SEC24A: variants seen among roughly 807,000 people sequenced by gnomAD.
SEC24A encodes the protein SEC24 homolog A, COPII component.
A neutral mutation model predicts 129.4 loss-of-function variants in SEC24A; 93 were observed. That is an observed-to-expected ratio of 0.72 (90% CI 0.61 to 0.85). The LOEUF is 0.85. SEC24A is among the 40% of genes least tolerant of loss of function. The pLI, the probability that SEC24A is intolerant of heterozygous loss-of-function variation, is 0.00. For synonymous variants in SEC24A, 460 were observed against 467.3 expected, an observed-to-expected ratio of 0.98 and a Z score of 0.20; for missense variants, 1,264 against 1,307.4, an observed-to-expected ratio of 0.97 and a Z score of 0.51.
intron 17 of SEC24A, among the ~76,000 whole-genome samples, chr5:134,706,461 T>C (rs1361094247): frequency 6.6e-6 from 1 of 152,192 alleles, no homozygotes; most frequent in Admixed American, 6.5e-5. Flanking sequence ...TTGATTCTTG[T>C]GGTCTTTCTA....
At chr5:134,650,470 G>A (rs1580669223) in intron 1 of SEC24A, among the ~76,000 whole-genome samples, 1 of 151,932 alleles carries the variant, frequency 6.6e-6, no homozygotes, top group East Asian at 1.9e-4. Flanking sequence ...GACCACTGTG[G>A]TATGCTGTAT....
rs1752755130 is a variant in SEC24A at position 134,726,227 on chromosome 5, T to C, written c.*1133T>C. Reference sequence around the variant, plus strand: ...TCTTGATTCAGCTAGAGAAATATTATAGTCAAAACTATTGAGTGAATTTTG... The same window carrying C: ...TCTTGATTCAGCTAGAGAAATATTACAGTCAAAACTATTGAGTGAATTTTG... On this transcript the variant is annotated 3_prime_UTR_variant, in exon 23 of 23. Coordinates refer to ENST00000398844, the MANE Select transcript of SEC24A (RefSeq NM_021982.3). 1.3e-5 allele frequency: 2 copies of C among 152,588 alleles called. No individual in the cohort carries two copies. Among genetic ancestry groups the C allele is most frequent in the South Asian group, 2.1e-4 (1 of 4,836 alleles). The allele number at this position is 152,588 out of a possible 1,614,324, so 9.5% of individuals were successfully genotyped here.
At chr5:134,680,241 G>A (rs976695427) in intron 8 of SEC24A, among the ~76,000 whole-genome samples, 1 of 152,202 alleles carries the variant, frequency 6.6e-6, no homozygotes, top group African/African-American at 2.4e-5. Context: ...GTAATCAACA[G>A]GGTTCTGTTA....
rs146559889 is a variant in SEC24A, at chr5:134,688,365, A to G, written c.1723+66A>G. Reference sequence around the variant, plus strand: ...AGAAATATTTCTTGATTACTTGACAAATTGGATGTGTGTTGTTTGTAGTAT... The same window carrying G: ...AGAAATATTTCTTGATTACTTGACAGATTGGATGTGTGTTGTTTGTAGTAT... On this transcript the variant is annotated intron_variant, in intron 11 of 22. Coordinates refer to ENST00000398844, the MANE Select transcript of SEC24A (RefSeq NM_021982.3). 179 of 951,352 alleles carry G rather than the reference A, an allele frequency of 1.9e-4. 2 individuals carry two copies. The highest frequency in any genetic ancestry group is 3.2e-5 in the Non-Finnish European group (19 of 588,506). 58.9% of individuals were successfully genotyped at this position (951,352 alleles called of 1,614,324 possible).
chr5:134,727,303 C>G lies in SEC24A; in HGVS notation c.*2209C>G, dbSNP rs1386243166. Reference sequence around the variant, plus strand: ...TGAATTTTCTACAGATCTACAACTACTAATGTAACAGACAAGGGCAATCTT... The same window carrying G: ...TGAATTTTCTACAGATCTACAACTAGTAATGTAACAGACAAGGGCAATCTT... On this transcript the variant is annotated 3_prime_UTR_variant, in exon 23 of 23. Transcript: ENST00000398844. 6.6e-6 allele frequency: 1 copy of G among 152,462 alleles called. No individual in the cohort carries two copies. Among genetic ancestry groups the G allele is most frequent in the African/African-American group, 2.4e-5 (1 of 41,394 alleles). 9.4% of individuals were successfully genotyped at this position (152,462 alleles called of 1,614,324 possible). A position where few individuals can be genotyped will look rare whatever the true frequency, so the allele number is the denominator to read the frequency against.
chr5:134,693,385 A>T, intron 12 of SEC24A: 19 of 1,359,768 alleles, frequency 1.4e-5, no homozygotes, highest in Non-Finnish European at 1.8e-5. Context: ...TTACAAGAAT[A>T]AAGTATGTAG....
In SEC24A at chr5:134,726,921, A is replaced by G. The variant is rs1752768505; in HGVS notation, c.*1827A>G. On this transcript the variant is annotated 3_prime_UTR_variant, in exon 23 of 23. Transcript: ENST00000398844. ...TCCCTAAGTGGGTATGACTCTTGTT[A>G]TTACCACATGCTTTTTTAGTATATT... 1 of 152,090 alleles carries G rather than the reference A, an allele frequency of 6.6e-6. No individual in the cohort carries two copies. The highest frequency in any genetic ancestry group is 1.5e-5 in the Non-Finnish European group (1 of 67,958). The allele number at this position is 152,090 out of a possible 1,614,324, so 9.4% of individuals were successfully genotyped here. A position where few individuals can be genotyped will look rare whatever the true frequency, so the allele number is the denominator to read the frequency against.
At chr5:134,720,969 T>A (rs370334584) in intron 20 of SEC24A, 29 bp from the exon 21 acceptor site, 106 of 1,288,360 alleles carry the variant, frequency 8.2e-5, no homozygotes, top group Non-Finnish European at 1.1e-4. Flanking sequence ...GTATGCTGCA[T>A]CTCAAAATAA....
rs764715898 is a variant in SEC24A at position 134,674,738 on chromosome 5, C to A, written c.941C>A (p.Ser314Tyr). 4 of 1,613,912 alleles carry A rather than the reference C, an allele frequency of 2.5e-6. No individual in the cohort carries two copies. In the South Asian group the frequency reaches 4.4e-5, roughly 18 times the overall value. ...PPGATGVPPS[S>Y]LNYPSGPQAF... The stretch of plus-strand genomic sequence containing the variant: ...GGTGCAACTGGAGTACCACCCTCTT[C>A]CTTGAATTACCCAAGTGGGCCACAA... The change falls in exon 5 of 23, where the codon TCC becomes TAC. Residue 314 changes from serine to tyrosine, a missense_variant. Ser to Tyr is a moderately radical substitution (Grantham distance 144). Coordinates refer to ENST00000398844, the MANE Select transcript of SEC24A (RefSeq NM_021982.3).
intron 15 of SEC24A, among the ~76,000 whole-genome samples, chr5:134,699,548 C>T (rs1192787010): frequency 6.6e-6 from 1 of 152,100 alleles, no homozygotes; most frequent in Admixed American, 6.6e-5. Flanking sequence ...ATCCGTCCGC[C>T]TCGGCCTCCC....
chr5:134,676,082 A>T lies in SEC24A; in HGVS notation c.1211A>T (p.Lys404Ile), dbSNP rs747471438. The T allele has an allele frequency of 6.2e-7, 1 of 1,613,244 alleles. No homozygotes were observed. Among genetic ancestry groups the T allele is most frequent in the Non-Finnish European group, 8.5e-7 (1 of 1,179,602 alleles). The change falls in exon 7 of 23, where the codon AAA (lysine) becomes ATA (isoleucine). Residue 404 changes from lysine to isoleucine, a missense_variant. Transcript: ENST00000398844. Reference protein sequence around the residue: ...PQTQALLNKAKLPLGLLLHPF... With the variant: ...PQTQALLNKAILPLGLLLHPF... ...ACGCAGGCCTTATTGAATAAAGCCA[A>T]ACTTCCTTTGGGGCTGCTGCTTCAT...
At chr5:134,682,111 C>T (rs1010713523) in intron 8 of SEC24A, among the ~76,000 whole-genome samples, 7 of 151,886 alleles carry the variant, frequency 4.6e-5, no homozygotes, top group African/African-American at 1.2e-4. Context: ...GGCGTGGTGG[C>T]GCATGCCTGT....
intron 1 of SEC24A, 135 bp from the exon 2 acceptor site, chr5:134,660,984 A>G (rs1027265001): frequency 2.7e-5 from 19 of 697,112 alleles, no homozygotes; most frequent in Admixed American, 5.1e-5. Context: ...TTGAATGTCT[A>G]TTTAAGTCCT....
intron 1 of SEC24A, among the ~76,000 whole-genome samples, chr5:134,654,845 T>C (rs1750185937): frequency 6.6e-6 from 1 of 152,168 alleles, no homozygotes; most frequent in Non-Finnish European, 1.5e-5. Flanking sequence ...GCCCCTGAAG[T>C]AGCTGGGATT....
In SEC24A at chr5:134,649,188, G is replaced by A. The variant is rs142959485; in HGVS notation, c.97+15G>A. On this transcript the variant is annotated intron_variant, in intron 1 of 22. Transcript: ENST00000398844. ...CTACACCAACGGTGAGTGCTGTCCG[G>A]GGGGAGGGCGCAGCCTGGCCAGGGC... is the stretch of plus-strand genomic sequence containing the variant. The A allele has an allele frequency of 3.8e-6, 6 of 1,578,498 alleles. No homozygotes were observed. The highest frequency in any genetic ancestry group is 1.1e-5 in the South Asian group (1 of 88,412).
intron 4 of SEC24A, among the ~76,000 whole-genome samples, chr5:134,674,404 G>A (rs1750978711): frequency 6.6e-6 from 1 of 152,050 alleles, no homozygotes; most frequent in African/African-American, 2.4e-5. Context: ...GGGCATGATG[G>A]CACACACCAG....
chr5:134,698,630 G>GTTTTTT (rs1212106367), intron 15 of SEC24A, among the ~76,000 whole-genome samples: 3 of 120,472 alleles, frequency 2.5e-5, no homozygotes, highest in Admixed American at 8.5e-5. Context: ...ATAGAGTCTT[G>GTTTTTT]TTTTTTTTTT....
At chr5:134,660,266 T>C (rs1750406194) in intron 1 of SEC24A, among the ~76,000 whole-genome samples, 1 of 151,852 alleles carries the variant, frequency 6.6e-6, no homozygotes. Flanking sequence ...CTCAGGAGGC[T>C]TAGATGGGAG....
chr5:134,654,366 C>A (rs1048706485), intron 1 of SEC24A, among the ~76,000 whole-genome samples: 1 of 151,588 alleles, frequency 6.6e-6, no homozygotes, highest in African/African-American at 2.4e-5. Flanking sequence ...GGACTACAGG[C>A]GTGCACCACC....
Sources: allele counts gnomAD v4.1 joint callset (sites outside exome capture counted in the v4.1 genomes callset), GRCh38; gene constraint gnomAD v4.1.1; transcripts MANE v1.5; gene names NCBI Gene and HGNC (gene_info 2026-07-23, HGNC 2026-07-21).